The following BPIFB1 variants were observed in gnomAD, a reference collection of about 807,000 sequenced individuals.
BPIFB1 encodes BPI fold containing family B member 1.
A neutral mutation model predicts 55.1 loss-of-function variants in BPIFB1; 34 were observed. The observed-to-expected ratio is 0.62, with a 90% CI of 0.47 to 0.82. The LOEUF is 0.82. Among genes scored for constraint, BPIFB1 ranks in the 40% least tolerant of loss-of-function variants. The pLI, the probability that BPIFB1 is intolerant of heterozygous loss-of-function variation, is 0.00. For synonymous variants in BPIFB1, 236 were observed against 245.3 expected (o/e 0.96, Z 0.35); for missense variants, 532 against 593.1 (o/e 0.90, Z 1.07).
Position 33,289,885 on chromosome 20 carries a change from G to C in BPIFB1, c.258G>C (p.Trp86Cys). ...CTGATCTCTCCTAAACCCCATCCAG[G>C]CTGAAGGTCATCACAGCTAACATCC... ...LVNTVLKHII[W>C]LKVITANILQ... Residue 86 changes from tryptophan (W) to cysteine (C), a missense_variant and splice_region_variant, in exon 4 of 16, where the codon TGG (tryptophan) becomes TGC (cysteine). Physicochemically the swap from Trp to Cys is radical, Grantham distance 215. Coordinates refer to ENST00000253354, the MANE Select transcript of BPIFB1 (RefSeq NM_033197.3). 1.2e-6 allele frequency: 2 copies of C among 1,613,954 alleles called. No individual in the cohort carries two copies. The highest frequency in any genetic ancestry group is 1.7e-6 in the Non-Finnish European group (2 of 1,179,812).
chr20:33,290,975 C>A lies in BPIFB1; in HGVS notation c.384C>A (p.Ile128=), dbSNP rs761053418. The change falls in exon 5 of 16, where the codon ATC becomes ATA. Residue 128 remains isoleucine (I), a synonymous_variant. Coordinates refer to ENST00000253354, the MANE Select transcript of BPIFB1 (RefSeq NM_033197.3). ...CCGCTAGGCCCCTGGTCAAGACCAT[C>A]GTGGAGTTCCACATGACGACTGAGG... ...AGFNTPLVKT[I]VEFHMTTEAQ... is the part of the protein sequence containing the mutation. 4.3e-6 allele frequency: 7 copies of A among 1,613,926 alleles called. No individual in the cohort carries two copies. The East Asian group carries it at 1.6e-4, about 36-fold the overall frequency.
Position 33,306,977 on chromosome 20 carries a change from C to T in BPIFB1, c.1385C>T (p.Ser462Leu). 2 of 1,614,128 alleles carry T rather than the reference C, an allele frequency of 1.2e-6. No homozygotes were observed. The highest frequency in any genetic ancestry group is 1.7e-6 in the Non-Finnish European group (2 of 1,179,926). ...KALGFEAAES[S>L]LTKDALVLTP... ...TTGGGATTCGAGGCAGCTGAGTCCT[C>T]ACTGACCAAGGTGAGTGGGTGTGGC... The change falls in exon 15 of 16, where the codon TCA (serine) becomes TTA (leucine). Residue 462 changes from serine to leucine, a missense_variant. By Grantham distance (145) the Ser-to-Leu change is moderately radical (BLOSUM62 -2). Coordinates refer to ENST00000253354, the MANE Select transcript of BPIFB1 (RefSeq NM_033197.3).
intron 10 of BPIFB1, 159 bp downstream of exon 10, chr20:33,302,571 T>C: frequency 1.3e-6 from 1 of 792,730 alleles, no homozygotes; most frequent in Non-Finnish European, 2.1e-6. Flanking sequence ...GCAGGCCAGT[T>C]TGACCTGAAG....
chr20:33,292,260 G>A (rs1411760924), intron 6 of BPIFB1, among the ~76,000 whole-genome samples: 1 of 152,198 alleles, frequency 6.6e-6, no homozygotes, highest in Non-Finnish European at 1.5e-5. Context: ...AGGGGTTGTT[G>A]AAGGGAGGCA....
At chr20:33,298,568 C>T (rs1568651235) in intron 7 of BPIFB1, 1 of 153,290 alleles carries the variant, frequency 6.5e-6, no homozygotes, top group Non-Finnish European at 1.5e-5. Context: ...ATAGGCACAT[C>T]TCACTGACTC....
intron 7 of BPIFB1, among the ~76,000 whole-genome samples, chr20:33,298,551 G>A (rs770703985): frequency 2.1e-5 from 3 of 144,058 alleles, no homozygotes; most frequent in Non-Finnish European, 4.4e-5. Flanking sequence ...CCCGCTGGGT[G>A]TTTTGTATAG....
chr20:33,288,926 C>A, intron 3 of BPIFB1, 44 bp downstream of exon 3: 1 of 1,582,680 alleles, frequency 6.3e-7, no homozygotes, highest in Non-Finnish European at 8.6e-7. Flanking sequence ...CCTTCCCACA[C>A]CTTTGCCCGG....
rs780078516 is a variant in BPIFB1, at chr20:33,289,885, G to T, written c.258G>T (p.Trp86Cys). 6.2e-7 allele frequency: 1 copy of T among 1,613,954 alleles called. No homozygotes were observed. Among genetic ancestry groups the T allele is most frequent in the East Asian group, 2.2e-5 (1 of 44,890 alleles). Residue 86 changes from tryptophan (W) to cysteine (C), a missense_variant and splice_region_variant, in exon 4 of 16, where the codon TGG (tryptophan) becomes TGT (cysteine). Physicochemically the swap from Trp to Cys is radical, Grantham distance 215. Coordinates refer to ENST00000253354, the MANE Select transcript of BPIFB1 (RefSeq NM_033197.3). ...LVNTVLKHII[W>C]LKVITANILQ... ...CTGATCTCTCCTAAACCCCATCCAG[G>T]CTGAAGGTCATCACAGCTAACATCC...
rs148603723 is a variant in BPIFB1, at chr20:33,303,598, C to T, written c.1141-360C>T. 1.2e-3 allele frequency among the ~76,000 whole-genome samples: 189 copies of T among 152,310 alleles called. 1 individual carries two copies. The highest frequency in any genetic ancestry group is 4.3e-3 in the African/African-American group (179 of 41,568). ...ACTGAATGAGCCTGAGTCAGTTGCC[C>T]ATTCTTGAGCCAATCAGTGTGTCCA... On this transcript the variant is annotated intron_variant, in intron 11 of 15. Coordinates refer to ENST00000253354, the MANE Select transcript of BPIFB1 (RefSeq NM_033197.3).
intron 2 of BPIFB1, among the ~76,000 whole-genome samples, chr20:33,288,377 G>A (rs763016861): frequency 3.9e-4 from 60 of 152,232 alleles, no homozygotes; most frequent in Non-Finnish European, 7.2e-4. Context: ...CCCAAACAGA[G>A]TTTTGAGGGT....
At chr20:33,290,549 T>C (rs1445846428) in intron 4 of BPIFB1, among the ~76,000 whole-genome samples, 2 of 151,936 alleles carry the variant, frequency 1.3e-5, no homozygotes. Context: ...TATGCATGTG[T>C]ATTCAGGGGG....
At chr20:33,298,992 GGA>G in intron 7 of BPIFB1, 1 of 134,980 alleles carries the variant, frequency 7.4e-6, no homozygotes, top group Non-Finnish European at 1.4e-5. Flanking sequence ...TTTTTTTTTT[GGA>G]GACGGACCTT....
chr20:33,309,649 A>C lies in BPIFB1; in HGVS notation c.1396-59A>C, dbSNP rs993317745. The C allele has an allele frequency of 5.1e-6, 8 of 1,557,376 alleles. No individual in the cohort carries two copies. Among genetic ancestry groups the C allele is most frequent in the Non-Finnish European group, 7.1e-6 (8 of 1,128,850 alleles). ...ACCTTATGGAGGACAAAACCAGCAT[A>C]AACCACAAGGCAAAAGGTTAAAGAA... On this transcript the variant is annotated intron_variant, in intron 15 of 15. Transcript: ENST00000253354. The surrounding 1 kb of genome is among the most constrained non-coding windows in gnomAD (Gnocchi z 4.4).
At chr20:33,296,820 C>T (rs1000998276) in intron 6 of BPIFB1, among the ~76,000 whole-genome samples, 1 of 152,204 alleles carries the variant, frequency 6.6e-6, no homozygotes, top group Non-Finnish European at 1.5e-5. Flanking sequence ...AGAGATTGCC[C>T]AGGAGTCTGG....
rs1467890476 is a variant in BPIFB1 at position 33,303,047 on chromosome 20, C to T, written c.1113C>T (p.Ala371=). The T allele has an allele frequency of 1.9e-6, 3 of 1,613,998 alleles. No individual in the cohort carries two copies. Among genetic ancestry groups the T allele is most frequent in the South Asian group, 2.2e-5 (2 of 91,068 alleles). The change falls in exon 11 of 16, where the codon GCC becomes GCT. Residue 371 remains alanine, a synonymous_variant. Coordinates refer to ENST00000253354, the MANE Select transcript of BPIFB1 (RefSeq NM_033197.3). ...IVLEVFPSSE[A]LRPLFTLGIE... is the part of the protein sequence containing the mutation. ...TGGAAGTGTTTCCCTCCAGTGAAGCCCTCCGCCCTTTGTTCACCCTGGGCA... is the reference window on the plus strand; with the variant it reads ...TGGAAGTGTTTCCCTCCAGTGAAGCTCTCCGCCCTTTGTTCACCCTGGGCA...
intron 6 of BPIFB1, among the ~76,000 whole-genome samples, chr20:33,297,169 C>T (rs562228648): frequency 4.7e-4 from 71 of 152,388 alleles, no homozygotes; most frequent in African/African-American, 1.7e-3. Context: ...GATCCACCCA[C>T]CTTGGCTTCC....
At chr20:33,295,718 AAG>A (rs370207110) in intron 6 of BPIFB1, among the ~76,000 whole-genome samples, 5 of 149,468 alleles carry the variant, frequency 3.3e-5, no homozygotes, top group East Asian at 1.9e-4. Context: ...AGGAAGGAAA[AAG>A]AGAGAGAGGG....
At chr20:33,288,579 G>T (rs1980345303) in intron 2 of BPIFB1, among the ~76,000 whole-genome samples, 162 bp from the exon 3 acceptor site, 1 of 152,164 alleles carries the variant, frequency 6.6e-6, no homozygotes, top group South Asian at 2.1e-4. Context: ...CTACACAGTG[G>T]GGACTGGCAG....
In BPIFB1 at chr20:33,295,020, G is replaced by A. The variant is rs566665550; in HGVS notation, c.598-2505G>A. ...CCCTGAGATCAGGAGCTTGAGACCA[G>A]GCTGGCCAACATGACGAAACCCCGT... is the stretch of plus-strand genomic sequence containing the variant. On this transcript the variant is annotated intron_variant, in intron 6 of 15. Coordinates refer to ENST00000253354, the MANE Select transcript of BPIFB1 (RefSeq NM_033197.3). 5.9e-5 allele frequency among the ~76,000 whole-genome samples: 9 copies of A among 151,878 alleles called. No homozygotes were observed. The South Asian group carries it at 1.9e-3, about 32-fold the overall frequency.
Sources: gnomAD v4.1 joint callset for allele counts (sites outside exome capture counted in the v4.1 genomes callset) on GRCh38, gnomAD v4.1.1 for gene constraint, Gnocchi (gnomAD v3.1) non-coding constraint, MANE v1.5 for transcripts, NCBI Gene and HGNC (gene_info 2026-07-23, HGNC 2026-07-21) for gene names.